The following PARD3B variants were observed in gnomAD, a reference collection of about 807,000 sequenced individuals.
PARD3B encodes the protein par-3 family cell polarity regulator beta, also known as partitioning defective 3 homolog B.
PARD3B carries 103 observed loss-of-function variants against 130.2 expected under a neutral mutation model. That is an observed-to-expected ratio of 0.79 (90% CI 0.67 to 0.93). The LOEUF (loss-of-function observed/expected upper bound fraction) is 0.93, where lower values mean the gene tolerates loss of function less well. PARD3B is among the 40% of genes least tolerant of loss of function. PARD3B has a pLI of 0.00. For missense variants in PARD3B, 1,609 were observed against 1,499.2 expected (o/e 1.07, Z -1.21); for synonymous variants, 583 against 553.2 (o/e 1.05, Z -0.76).
At chr2:204,588,199 A>T (rs1186695575) in intron 1 of PARD3B, among the ~76,000 whole-genome samples, 1 of 152,214 alleles carries the variant, frequency 6.6e-6, no homozygotes, top group Non-Finnish European at 1.5e-5. Context: ...CGTGACTTGG[A>T]CTTGCATTCT....
intron 22 of PARD3B, among the ~76,000 whole-genome samples, chr2:205,556,067 G>A (rs2052869390): frequency 1.3e-5 from 2 of 152,100 alleles, no homozygotes; most frequent in Middle Eastern, 6.8e-3. Context: ...ATTGAATCAC[G>A]CCAGCTCCAC....
intron 15 of PARD3B, among the ~76,000 whole-genome samples, chr2:205,231,695 G>A (rs557512660): frequency 1.3e-5 from 2 of 152,216 alleles, no homozygotes; most frequent in East Asian, 1.9e-4. Context: ...GAAGCTTGAT[G>A]TAAAATTAAT....
chr2:204,801,958 G>A (rs2042585671), intron 2 of PARD3B, among the ~76,000 whole-genome samples: 1 of 152,166 alleles, frequency 6.6e-6, no homozygotes, highest in Admixed American at 6.5e-5. Context: ...CATCTATTGA[G>A]ATAATCATGT....
chr2:204,602,792 T>C (rs2033566890), intron 1 of PARD3B, among the ~76,000 whole-genome samples: 1 of 152,116 alleles, frequency 6.6e-6, no homozygotes, highest in Admixed American at 6.6e-5. Flanking sequence ...CAGTTGTTGA[T>C]ACTCTAAGTG....
intron 21 of PARD3B, among the ~76,000 whole-genome samples, chr2:205,521,533 C>G (rs533888911): frequency 1.6e-4 from 24 of 145,612 alleles, no homozygotes; most frequent in African/African-American, 6.1e-4. Context: ...ATTTAAACAT[C>G]TATCAAGATG....
At chr2:204,910,211 G>A (rs1247203335) in intron 2 of PARD3B, among the ~76,000 whole-genome samples, 1 of 150,684 alleles carries the variant, frequency 6.6e-6, no homozygotes, top group African/African-American at 2.4e-5. Context: ...AGAGAAGCAA[G>A]TTTCCTAGGA....
At position 205,105,867 on chromosome 2, in the gene PARD3B, T is replaced by C. The variant is rs1231874016; in HGVS notation, c.593+1353T>C. Among the ~76,000 whole-genome samples, 1 of 151,844 alleles carries C rather than the reference T, an allele frequency of 6.6e-6. No individual in the cohort carries two copies. The highest frequency in any genetic ancestry group is 1.5e-5 in the Non-Finnish European group (1 of 67,970). On this transcript the variant is annotated intron_variant, in intron 5 of 22. Coordinates refer to ENST00000406610, the MANE Select transcript of PARD3B (RefSeq NM_001302769.2). This position sits in a 1 kb window ranked among gnomAD's most constrained non-coding sequence, Gnocchi z 4.0. ...CAGAAACTTAATAAGATTATCTAAT[T>C]ATGTCTACCTCCAGAAACTAATAAG...
Position 205,562,950 on chromosome 2 carries a change from T to A in PARD3B, c.3260+9547T>A, listed in dbSNP as rs903165818. Among the ~76,000 whole-genome samples the A allele has an allele frequency of 6.6e-6, 1 of 152,238 alleles. No homozygotes were observed. Among genetic ancestry groups the A allele is most frequent in the Non-Finnish European group, 1.5e-5 (1 of 68,046 alleles). On this transcript the variant is annotated intron_variant, in intron 22 of 22. Transcript: ENST00000406610. The surrounding 1 kb of genome is among the most constrained non-coding windows in gnomAD (Gnocchi z 5.4). The stretch of plus-strand genomic sequence containing the variant: ...CAACCTACTATAGACAGAGACATTA[T>A]GAATAAATGAAGTGTATTAATTTAT...
intron 15 of PARD3B, among the ~76,000 whole-genome samples, chr2:205,236,281 A>G (rs1402554198): frequency 6.6e-6 from 1 of 152,220 alleles, no homozygotes; most frequent in African/African-American, 2.4e-5. Context: ...AATAATAACA[A>G]TTCTACAGAC....
chr2:204,745,709 A>G (rs974976803), intron 2 of PARD3B, among the ~76,000 whole-genome samples: 1 of 151,932 alleles, frequency 6.6e-6, no homozygotes, highest in Non-Finnish European at 1.5e-5. Flanking sequence ...GGCCGATACT[A>G]CCATTTTCAT....
intron 16 of PARD3B, among the ~76,000 whole-genome samples, chr2:205,296,047 G>A (rs2041779252): frequency 1.3e-5 from 2 of 152,154 alleles, no homozygotes; most frequent in African/African-American, 2.4e-5. Context: ...TTCAATGATG[G>A]ATTGAACCAA....
intron 22 of PARD3B, among the ~76,000 whole-genome samples, chr2:205,555,549 TG>T (rs2052843870): frequency 6.6e-6 from 1 of 152,352 alleles, no homozygotes; most frequent in African/African-American, 2.4e-5. Flanking sequence ...GGGGGTTTTC[TG>T]TCAAAGATAA....
chr2:205,529,031 A>T (rs1981733), intron 21 of PARD3B, among the ~76,000 whole-genome samples: 1 of 151,926 alleles, frequency 6.6e-6, no homozygotes, highest in Non-Finnish European at 1.5e-5. Context: ...TGAGCATTAA[A>T]AAAAAAAATT....
At chr2:205,361,711 A>G (rs565381424) in intron 18 of PARD3B, among the ~76,000 whole-genome samples, 1 of 152,284 alleles carries the variant, frequency 6.6e-6, no homozygotes, top group East Asian at 1.9e-4. Context: ...CGAGTTTAGG[A>G]AGCAATTTCC....
At chr2:204,951,672 T>G (rs1286543244) in intron 2 of PARD3B, among the ~76,000 whole-genome samples, 2 of 152,170 alleles carry the variant, frequency 1.3e-5, no homozygotes, top group Non-Finnish European at 2.9e-5. Context: ...AAGTATTAAG[T>G]TTGAAATTTA....
In PARD3B at chr2:205,525,396, G is replaced by A. The variant is rs2051291846; in HGVS notation, c.3180+25365G>A. On this transcript the variant is annotated intron_variant, in intron 21 of 22. Coordinates refer to ENST00000406610, the MANE Select transcript of PARD3B (RefSeq NM_001302769.2). The surrounding 1 kb of genome is among the most constrained non-coding windows in gnomAD (Gnocchi z 4.2). ...ATTCGGAGGATTAAGAGGTTTTTTT[G>A]TTTTTGTTTTTACATTGAAGATGTA... 6.6e-6 allele frequency among the ~76,000 whole-genome samples: 1 copy of A among 151,982 alleles called. No individual in the cohort carries two copies. Among genetic ancestry groups the A allele is most frequent in the African/African-American group, 2.4e-5 (1 of 41,404 alleles).
intron 4 of PARD3B, among the ~76,000 whole-genome samples, chr2:205,100,757 A>G (rs1350909179): frequency 6.6e-6 from 1 of 152,154 alleles, no homozygotes; most frequent in African/African-American, 2.4e-5. Context: ...AATCTTTTCA[A>G]TGAATGATAC....
intron 22 of PARD3B, among the ~76,000 whole-genome samples, chr2:205,579,714 C>G (rs1345181666): frequency 1.3e-5 from 2 of 152,188 alleles, no homozygotes; most frequent in African/African-American, 2.4e-5. Flanking sequence ...TCCCTTTTCT[C>G]TAATTGAAAC....
chr2:204,686,179 A>G lies in PARD3B; in HGVS notation c.121-2A>G, dbSNP rs1291578700. ...ATTAAACTTGTGTTTGTTCTACTAT[A>G]GGGTCCTGGTTACTGGGTGAAGATT... On this transcript the variant is annotated splice_acceptor_variant, in intron 1 of 22. Transcript: ENST00000406610. LOFTEE classifies it high-confidence loss of function. The G allele has an allele frequency of 4.4e-6, 7 of 1,593,382 alleles. No individual in the cohort carries two copies. The East Asian group carries it at 1.6e-4, about 36-fold the overall frequency.
Sources: gnomAD v4.1 joint callset for allele counts (sites outside exome capture counted in the v4.1 genomes callset) on GRCh38, gnomAD v4.1.1 for gene constraint, Gnocchi (gnomAD v3.1) non-coding constraint, MANE v1.5 for transcripts, NCBI Gene and HGNC (gene_info 2026-07-23, HGNC 2026-07-21) for gene names.